Variants in ETS1 observed in about 807,000 individuals in gnomAD.
ETS1 encodes ETS proto-oncogene 1, transcription factor, also known as protein C-ets-1.
A neutral mutation model predicts 58.6 loss-of-function variants in ETS1; 15 were observed. The observed-to-expected ratio is 0.26, with a 90% CI of 0.17 to 0.39. The LOEUF (loss-of-function observed/expected upper bound fraction) is 0.39, where lower values mean the gene tolerates loss of function less well. ETS1 is among the 10% of genes least tolerant of loss of function. The pLI is 1.00. For synonymous variants in ETS1, 214 were observed against 218.2 expected (o/e 0.98, Z 0.17); for missense variants, 417 against 610.5 (o/e 0.68, Z 3.34).
At chr11:128,485,480 T>C (rs1351524468) in intron 6 of ETS1, among the ~76,000 whole-genome samples, 1 of 152,222 alleles carries the variant, frequency 6.6e-6, no homozygotes, top group African/African-American at 2.4e-5. Flanking sequence ...CTGTTTCATA[T>C]TCCCTGTAAA....
chr11:128,479,729 A>AGCTG (rs1466536711), intron 8 of ETS1, among the ~76,000 whole-genome samples: 1 of 152,190 alleles, frequency 6.6e-6, no homozygotes, highest in Non-Finnish European at 1.5e-5. Context: ...ACATTTGAAC[A>AGCTG]GCTGGCCTAA....
chr11:128,503,378 C>T (rs749115806), intron 3 of ETS1, among the ~76,000 whole-genome samples: 3 of 152,098 alleles, frequency 2.0e-5, no homozygotes, highest in Non-Finnish European at 2.9e-5. Context: ...ACGTTCCTTC[C>T]CCAGCCCCAC....
At chr11:128,534,925 T>G (rs1359016724) in intron 3 of ETS1, among the ~76,000 whole-genome samples, 5 of 152,242 alleles carry the variant, frequency 3.3e-5, no homozygotes, top group Admixed American at 3.3e-4. Flanking sequence ...TGACTTATAT[T>G]TCTTTGGGTA....
intron 3 of ETS1, chr11:128,522,370 T>C (rs1311210109): frequency 1.0e-6 from 1 of 990,374 alleles, no homozygotes; most frequent in Non-Finnish European, 1.2e-6. Context: ...AGGGCGTTTC[T>C]CGCGGCGCCG....
intron 3 of ETS1, among the ~76,000 whole-genome samples, chr11:128,527,875 C>A (rs1392205112): frequency 1.3e-5 from 2 of 152,206 alleles, no homozygotes; most frequent in African/African-American, 4.8e-5. Context: ...TACATTAAGA[C>A]AATTTCACTG....
chr11:128,499,815 G>A (rs1361351919), intron 3 of ETS1, among the ~76,000 whole-genome samples: 1 of 152,072 alleles, frequency 6.6e-6, no homozygotes, highest in African/African-American at 2.4e-5. Context: ...CAGGCATCGG[G>A]AGAGTGGTGC....
intron 3 of ETS1, among the ~76,000 whole-genome samples, chr11:128,512,749 C>T (rs1272572703): frequency 6.6e-6 from 1 of 152,284 alleles, no homozygotes; most frequent in Admixed American, 6.5e-5. Flanking sequence ...CTTACTGGGC[C>T]TGTCAGGAAG....
chr11:128,570,396 A>C (rs1864602314), intron 2 of ETS1, among the ~76,000 whole-genome samples: 1 of 151,428 alleles, frequency 6.6e-6, no homozygotes, highest in Non-Finnish European at 1.5e-5. Flanking sequence ...GTGCCACCAC[A>C]CCTGGCTAAT....
chr11:128,515,794 A>G (rs1054107983), intron 3 of ETS1, among the ~76,000 whole-genome samples: 1 of 152,184 alleles, frequency 6.6e-6, no homozygotes, highest in Non-Finnish European at 1.5e-5. Context: ...TAAAAGCACT[A>G]TCTGGGTCAA....
chr11:128,522,031 G>C, intron 3 of ETS1: 1 of 1,555,368 alleles, frequency 6.4e-7, no homozygotes, highest in Non-Finnish European at 8.7e-7. Flanking sequence ...ATGGTAGCAA[G>C]TTTGCAGTTA....
intron 3 of ETS1, among the ~76,000 whole-genome samples, chr11:128,552,903 C>CT (rs2135554432): frequency 6.6e-6 from 1 of 152,262 alleles, no homozygotes; most frequent in South Asian, 2.1e-4. Flanking sequence ...CGTCAGTGAG[C>CT]TCTTAGAGAC....
At position 128,462,276 on chromosome 11, in the gene ETS1, G is replaced by GAAT; in HGVS notation, c.*82_*84dup. 9.3e-7 allele frequency: 1 copy of GAAT among 1,069,692 alleles called. No individual in the cohort carries two copies. Among genetic ancestry groups the GAAT allele is most frequent in the East Asian group, 2.6e-5 (1 of 38,974 alleles). The allele number at this position is 1,069,692 out of a possible 1,614,324, so 66.3% of individuals were successfully genotyped here. ...AATGAGTTCTGGAAAATAAAAAATA[G>GAAT]AATAACAATTCAAAATTCAGAGTCC... On this transcript the variant is annotated 3_prime_UTR_variant, in exon 10 of 10. Transcript: ENST00000392668.
chr11:128,480,574 A>G, intron 7 of ETS1, 123 bp from the exon 8 acceptor site: 1 of 685,672 alleles, frequency 1.5e-6, no homozygotes, highest in Non-Finnish European at 2.5e-6. Context: ...GGACGGAAGA[A>G]GGGAGAGGCG....
intron 2 of ETS1, among the ~76,000 whole-genome samples, chr11:128,569,871 C>T (rs1199849710): frequency 4.6e-5 from 7 of 152,166 alleles, no homozygotes; most frequent in Non-Finnish European, 1.0e-4. Flanking sequence ...TTTGTACAAC[C>T]TTCTGCTTTT....
Position 128,485,115 on chromosome 11 carries a change from C to A in ETS1, c.614-44G>T, listed in dbSNP as rs1417550868. On this transcript the variant is annotated intron_variant, in intron 6 of 9. Coordinates refer to ENST00000392668, the MANE Select transcript of ETS1 (RefSeq NM_001143820.2). ...CAAGTAAAGAGAGGAGAGATTTGTA[C>A]CTAAAATAAGCAGTTTTCACCATCT... The A allele has an allele frequency of 2.5e-6, 4 of 1,576,946 alleles. No individual in the cohort carries two copies. The African/African-American group carries it at 5.4e-5, about 21-fold the overall frequency.
In ETS1 at chr11:128,490,092, C is replaced by A. The variant is rs151203435; in HGVS notation, c.334+365G>T. 6.8e-3 allele frequency among the ~76,000 whole-genome samples: 1,031 copies of A among 152,306 alleles called. 11 individuals are homozygous for A. Among genetic ancestry groups the A allele is most frequent in the South Asian group, 0.055 (267 of 4,830 alleles). ...TTGAGTAGCACTGTAGTATTGATAA[C>A]ATGCAATCTTCATACATGACCTGAG... On this transcript the variant is annotated intron_variant, in intron 4 of 9. Transcript: ENST00000392668.
intron 2 of ETS1, among the ~76,000 whole-genome samples, chr11:128,567,601 T>C (rs1357833679): frequency 6.6e-6 from 1 of 151,828 alleles, no homozygotes. Context: ...GCAAGTTTTT[T>C]GTTTTTTGGG....
chr11:128,575,355 T>A (rs984109414), intron 1 of ETS1, among the ~76,000 whole-genome samples: 5 of 152,232 alleles, frequency 3.3e-5, no homozygotes, highest in African/African-American at 9.6e-5. Flanking sequence ...TGTACTCACC[T>A]ATTTTCAGAC....
At chr11:128,469,873 A>G (rs1053238942) in intron 8 of ETS1, among the ~76,000 whole-genome samples, 14 of 151,830 alleles carry the variant, frequency 9.2e-5, no homozygotes, top group Admixed American at 4.6e-4. Context: ...TCTCTAACAC[A>G]CTCCATGTAT....
Sources: allele counts gnomAD v4.1 joint callset (sites outside exome capture counted in the v4.1 genomes callset), GRCh38; gene constraint gnomAD v4.1.1; transcripts MANE v1.5; gene names NCBI Gene and HGNC (gene_info 2026-07-23, HGNC 2026-07-21).